The following USH2A variants were observed in gnomAD, a reference collection of about 807,000 sequenced individuals.
USH2A encodes Usher syndrome 2A (autosomal recessive, mild).
A neutral mutation model predicts 538.9 loss-of-function variants in USH2A; 443 were observed. The ratio of observed to expected loss-of-function variants is 0.82; its 90% CI spans 0.76 to 0.89. USH2A has a LOEUF of 0.89. USH2A is among the 40% of genes least tolerant of loss of function. USH2A has a pLI of 0.00. For missense variants in USH2A, 6,633 were observed against 6,324.8 expected (o/e 1.05, Z -1.65); for synonymous variants, 2,413 against 2,273.5 (o/e 1.06, Z -1.75).
chr1:216,061,531 A>G (rs890061785), intron 30 of USH2A, among the ~76,000 whole-genome samples: 1 of 152,218 alleles, frequency 6.6e-6, no homozygotes, highest in East Asian at 1.9e-4. Context: ...TCCTTTAAAT[A>G]GAGTTTCCCT....
chr1:215,965,922 G>GCCACAC (rs1558185688), intron 36 of USH2A, among the ~76,000 whole-genome samples: 1 of 87,376 alleles, frequency 1.1e-5, no homozygotes, highest in African/African-American at 4.7e-5. Flanking sequence ...TCTCTTCTCT[G>GCCACAC]TCACACACAC....
intron 21 of USH2A, among the ~76,000 whole-genome samples, chr1:216,123,228 A>G (rs1164680473): frequency 1.3e-5 from 2 of 152,332 alleles, no homozygotes; most frequent in South Asian, 2.1e-4. Context: ...TTTGTTAAGC[A>G]CAGGGACTCA....
At chr1:216,285,552 C>T (rs1269776214) in intron 11 of USH2A, among the ~76,000 whole-genome samples, 3 of 152,216 alleles carry the variant, frequency 2.0e-5, no homozygotes, top group East Asian at 1.9e-4. Flanking sequence ...GGTCAGACCC[C>T]CCACACAGAG....
At chr1:216,372,744 T>C (rs987186886) in intron 3 of USH2A, among the ~76,000 whole-genome samples, 1 of 152,010 alleles carries the variant, frequency 6.6e-6, no homozygotes, top group Non-Finnish European at 1.5e-5. Context: ...ATAGGGAGAG[T>C]TCCAGCTGGT....
chr1:216,381,145 T>C (rs1022813898), intron 3 of USH2A, among the ~76,000 whole-genome samples: 11 of 152,018 alleles, frequency 7.2e-5, no homozygotes, highest in Admixed American at 2.6e-4. Context: ...GTGGTGGTCA[T>C]TGAGATACGT....
intron 70 of USH2A, among the ~76,000 whole-genome samples, chr1:215,632,336 A>G (rs1656309537): frequency 6.6e-6 from 1 of 152,248 alleles, no homozygotes; most frequent in South Asian, 2.1e-4. Flanking sequence ...CATGGTCCTC[A>G]CTTTGACAAA....
chr1:215,758,217 C>T (rs1240424750), intron 58 of USH2A, among the ~76,000 whole-genome samples: 2 of 150,368 alleles, frequency 1.3e-5, no homozygotes, highest in African/African-American at 2.5e-5. Context: ...ACCCAGGAGT[C>T]GGAGGTTGTG....
At chr1:216,088,146 G>A (rs567480583) in intron 23 of USH2A, among the ~76,000 whole-genome samples, 6 of 151,922 alleles carry the variant, frequency 3.9e-5, no homozygotes, top group African/African-American at 9.7e-5. Context: ...TGCTGTCCTC[G>A]CAACCCAAAG....
At chr1:215,814,797 C>G (rs938114609) in intron 48 of USH2A, among the ~76,000 whole-genome samples, 1 of 152,084 alleles carries the variant, frequency 6.6e-6, no homozygotes, top group Non-Finnish European at 1.5e-5. Flanking sequence ...ACTGTGAAAA[C>G]GAACTAAGAC....
intron 47 of USH2A, among the ~76,000 whole-genome samples, chr1:215,832,391 A>G (rs1663346022): frequency 6.6e-6 from 1 of 151,916 alleles, no homozygotes; most frequent in East Asian, 1.9e-4. Flanking sequence ...CTATAAGATA[A>G]TAGTATATTG....
rs1243004653 is a variant in USH2A at position 215,844,421 on chromosome 1, G to C, written c.9131C>G (p.Ser3044Ter). 6.2e-7 allele frequency: 1 copy of C among 1,613,570 alleles called. No individual in the cohort carries two copies. Among genetic ancestry groups the C allele is most frequent in the Non-Finnish European group, 8.5e-7 (1 of 1,179,888 alleles). Reference sequence around the variant, plus strand: ...CTCAGTGACAACACCATTTGGGTTTGAAGGAGATGTCCAGATGACACGTAC... The same window carrying C: ...CTCAGTGACAACACCATTTGGGTTTCAAGGAGATGTCCAGATGACACGTAC... Reference protein sequence around the residue: ...TAVRVIWTSPSNPNGVVTEYS... With the variant: ...TAVRVIWTSP Residue 3044 changes from serine to a stop codon, truncating the protein, a stop_gained, in exon 46 of 72, where the codon TCA (serine) becomes TGA (stop). Transcript: ENST00000307340. LOFTEE classifies it high-confidence loss of function.
intron 13 of USH2A, among the ~76,000 whole-genome samples, chr1:216,233,100 A>G (rs2035734052): frequency 6.6e-6 from 1 of 152,072 alleles, no homozygotes; most frequent in Non-Finnish European, 1.5e-5. Context: ...TCTATTTGAA[A>G]CTAACTGATG....
chr1:216,216,270 A>T (rs1445075333), intron 15 of USH2A, among the ~76,000 whole-genome samples: 1 of 152,140 alleles, frequency 6.6e-6, no homozygotes, highest in African/African-American at 2.4e-5. Context: ...AGTTTTACTT[A>T]TACTGAAATC....
At chr1:215,957,818 T>C (rs936006978) in intron 37 of USH2A, among the ~76,000 whole-genome samples, 2 of 152,168 alleles carry the variant, frequency 1.3e-5, no homozygotes, top group African/African-American at 4.8e-5. Context: ...GCCTCTTTTA[T>C]CTTCCCACTG....
chr1:216,225,448 G>A (rs950041070), intron 14 of USH2A, among the ~76,000 whole-genome samples: 1 of 152,188 alleles, frequency 6.6e-6, no homozygotes, highest in African/African-American at 2.4e-5. Flanking sequence ...TCATCAGTGG[G>A]ATAGGAGGGT....
intron 37 of USH2A, among the ~76,000 whole-genome samples, chr1:215,963,757 G>GT (rs1667261338): frequency 6.6e-6 from 1 of 152,078 alleles, no homozygotes; most frequent in Non-Finnish European, 1.5e-5. Context: ...CCTGTCATGT[G>GT]TAATAGCTCC....
At chr1:215,645,322 T>A in intron 67 of USH2A, among the ~76,000 whole-genome samples, 1 of 152,098 alleles carries the variant, frequency 6.6e-6, no homozygotes, top group South Asian at 2.1e-4. Flanking sequence ...CTGAGCTCAG[T>A]GACCATGAGT....
In USH2A at chr1:215,779,964, C is replaced by T. The variant is rs1162908739; in HGVS notation, c.10818G>A (p.Leu3606=). 1 of 1,614,130 alleles carries T rather than the reference C, an allele frequency of 6.2e-7. No individual in the cohort carries two copies. The highest frequency in any genetic ancestry group is 1.3e-5 in the African/African-American group (1 of 75,016). Residue 3606 remains leucine (L), a synonymous_variant, in exon 55 of 72, where the codon CTG becomes CTA. Transcript: ENST00000307340. ...PSITALSAVA[L]HLSWSVPEKS... is the part of the protein sequence containing the mutation. ...TCTCAGGGACACTCCAGCTCAGATG[C>T]AGAGCCACTGCACTTAGGGCTGTGA...
intron 4 of USH2A, among the ~76,000 whole-genome samples, chr1:216,354,792 C>A (rs1170139303): frequency 6.6e-6 from 1 of 151,150 alleles, no homozygotes; most frequent in African/African-American, 2.4e-5. Context: ...TAACTAGAGT[C>A]TTATTACAGA....
Sources: gnomAD v4.1 joint callset for allele counts (sites outside exome capture counted in the v4.1 genomes callset) on GRCh38, gnomAD v4.1.1 for gene constraint, MANE v1.5 for transcripts, NCBI Gene and HGNC (gene_info 2026-07-23, HGNC 2026-07-21) for gene names.